The following AVEN variants were observed in gnomAD, a reference collection of about 807,000 sequenced individuals.
The protein encoded by AVEN is apoptosis and caspase activation inhibitor.
AVEN carries 41 observed loss-of-function variants against 38.1 expected under a neutral mutation model. That is an observed-to-expected ratio of 1.08 (90% CI 0.84 to 1.40). The LOEUF (loss-of-function observed/expected upper bound fraction) is 1.40, where lower values mean the gene tolerates loss of function less well. Ranked by LOEUF, AVEN falls within the 40% of genes most tolerant of loss-of-function variation. The pLI is 0.00. For missense variants in AVEN, 605 were observed against 438.8 expected (o/e 1.38, Z -3.38); for synonymous variants, 206 against 171.8 (o/e 1.20, Z -1.56).
intron 2 of AVEN, among the ~76,000 whole-genome samples, chr15:33,948,860 CAG>C (rs1322728011): frequency 2.0e-5 from 3 of 151,886 alleles, no homozygotes; most frequent in Non-Finnish European, 4.4e-5. Flanking sequence ...TTTATCGAGA[CAG>C]GGGATTCATC....
chr15:34,063,662 C>T lies in AVEN; in HGVS notation n.1127-230G>A, dbSNP rs151106804. 89 of 1,613,996 alleles carry T rather than the reference C, an allele frequency of 5.5e-5. No homozygotes were observed. The highest frequency in any genetic ancestry group is 8.9e-5 in the East Asian group (4 of 44,880). On this transcript the variant is annotated intron_variant and non_coding_transcript_variant, in intron 4 of 11. Transcript: ENST00000675287. This position sits in a 1 kb window ranked among gnomAD's most constrained non-coding sequence, Gnocchi z 4.1. The stretch of plus-strand genomic sequence containing the variant: ...CTTCCTCAGAGGATGAGGACAAGCC[C>T]GCCACTGACCCTGTCCTCCAAGTGG...
intron 2 of AVEN, among the ~76,000 whole-genome samples, chr15:33,876,568 T>A (rs1178216780): frequency 6.6e-6 from 1 of 150,992 alleles, no homozygotes; most frequent in Non-Finnish European, 1.5e-5. Flanking sequence ...TGAGACCCTA[T>A]CTCAAAAAAA....
Position 33,931,349 on chromosome 15 carries a change from C to CTTTTT in AVEN, c.446-55359_446-55355dup, listed in dbSNP as rs71119903. Among the ~76,000 whole-genome samples the CTTTTT allele has an allele frequency of 1.6e-4, 14 of 89,274 alleles. 2 individuals carry two copies. The highest frequency in any genetic ancestry group is 3.6e-4 in the African/African-American group (7 of 19,400). The allele number at this position is 89,274 out of a possible 152,430, so 58.6% of individuals were successfully genotyped here. ...AAAAAGAAACTATGCTGAATATTTT[C>CTTTTT]TTTTTTTTTTTTTTTTTTTTTTTTT... On this transcript the variant is annotated intron_variant, in intron 2 of 5. Transcript: ENST00000306730.
intron 2 of AVEN, among the ~76,000 whole-genome samples, chr15:33,896,539 G>C (rs1892240410): frequency 6.6e-6 from 1 of 152,220 alleles, no homozygotes. Context: ...GGGGCTGGGA[G>C]AGAGTCCTCA....
At chr15:33,859,436 A>AATACTGGCACCTCTGAAG in intron 11 of AVEN, 2 of 797,756 alleles carry the variant, frequency 2.5e-6, no homozygotes, top group East Asian at 5.2e-5. Flanking sequence ...TAGCAGCATG[A>AATACTGGCACCTCTGAAG]ATACTGGCAC....
intron 4 of AVEN, among the ~76,000 whole-genome samples, chr15:33,870,581 T>G (rs1890901723): frequency 6.6e-6 from 1 of 152,208 alleles, no homozygotes; most frequent in Non-Finnish European, 1.5e-5. Context: ...TCCCAATAGA[T>G]TAAGTTCCAG....
chr15:33,883,289 A>T (rs1891567218), intron 2 of AVEN, among the ~76,000 whole-genome samples: 1 of 152,222 alleles, frequency 6.6e-6, no homozygotes, highest in Admixed American at 6.5e-5. Flanking sequence ...CGGTGGTCAG[A>T]AATCAGTATG....
At chr15:33,917,351 G>GGTGTGTGTGTGTGTGT (rs148147589) in intron 2 of AVEN, among the ~76,000 whole-genome samples, 47 of 140,356 alleles carry the variant, frequency 3.3e-4, no homozygotes, top group African/African-American at 1.2e-3. Flanking sequence ...AAGAAAATGT[G>GGTGTGTGTGTGTGTGT]GTGTGTGTGT....
At position 33,904,694 on chromosome 15, in the gene AVEN, A is replaced by AAATATAT. The variant is rs1464894437; in HGVS notation, c.446-28700_446-28699insATATATT. Among the ~76,000 whole-genome samples, 166 of 112,694 alleles carry AAATATAT rather than the reference A, an allele frequency of 1.5e-3. 1 individual carries two copies. The highest frequency in any genetic ancestry group is 4.6e-3 in the African/African-American group (158 of 34,298). 73.9% of individuals were successfully genotyped at this position (112,694 alleles called of 152,430 possible). ...GAGACTGTTTCTTTAAAAAAAAAAA[A>AAATATAT]ATATATATATATATATATATATACA... is the stretch of plus-strand genomic sequence containing the variant. On this transcript the variant is annotated intron_variant, in intron 2 of 5. Transcript: ENST00000306730.
chr15:33,938,834 CT>C (rs913060981), intron 2 of AVEN, among the ~76,000 whole-genome samples: 7 of 151,364 alleles, frequency 4.6e-5, no homozygotes, highest in Admixed American at 4.0e-4. Flanking sequence ...TTCTTTCTTC[CT>C]TTTTTTTTGT....
intron 2 of AVEN, among the ~76,000 whole-genome samples, chr15:33,910,756 G>A (rs186250570): frequency 7.4e-4 from 113 of 152,300 alleles, no homozygotes; most frequent in African/African-American, 2.6e-3. Context: ...GGTAGGGACT[G>A]ACCTGAAAAG....
intron 1 of AVEN, among the ~76,000 whole-genome samples, chr15:34,034,445 T>TA (rs769830072): frequency 0.014 from 1,224 of 86,140 alleles, 23 homozygotes; most frequent in Admixed American, 0.076. Context: ...AGTTTCTTTT[T>TA]TAAAAAAAAA....
chr15:34,057,051 C>T (rs879532465), intron 5 of AVEN, among the ~76,000 whole-genome samples: 1 of 152,006 alleles, frequency 6.6e-6, no homozygotes, highest in Non-Finnish European at 1.5e-5. Flanking sequence ...AGTTTGTGGT[C>T]GTGAAAATAT....
chr15:33,860,334 C>T (rs1312401421), intron 11 of AVEN, among the ~76,000 whole-genome samples: 1 of 152,038 alleles, frequency 6.6e-6, no homozygotes, highest in Non-Finnish European at 1.5e-5. Flanking sequence ...GGAGACCAAC[C>T]AGGGAGAAGT....
chr15:33,905,915 CAT>C (rs1892683568), intron 2 of AVEN, among the ~76,000 whole-genome samples: 1 of 152,044 alleles, frequency 6.6e-6, no homozygotes, highest in South Asian at 2.1e-4. Context: ...TTATGTTTAG[CAT>C]ACCTGTTACC....
intron 2 of AVEN, among the ~76,000 whole-genome samples, chr15:33,937,689 G>T (rs1275718027): frequency 1.3e-5 from 2 of 151,958 alleles, no homozygotes; most frequent in East Asian, 1.9e-4. Context: ...TTCACAATGG[G>T]ATTAATGGCC....
At chr15:33,967,939 GA>G (rs1283864169) in intron 2 of AVEN, among the ~76,000 whole-genome samples, 2 of 148,706 alleles carry the variant, frequency 1.3e-5, no homozygotes, top group African/African-American at 4.9e-5. Context: ...ATACATTTAG[GA>G]AAAAAAAAAA....
chr15:33,944,591 C>T (rs1008550348), intron 2 of AVEN, among the ~76,000 whole-genome samples: 6 of 152,192 alleles, frequency 3.9e-5, no homozygotes, highest in African/African-American at 7.2e-5. Flanking sequence ...GGGTGGATCA[C>T]GAGGTCAGGA....
intron 2 of AVEN, among the ~76,000 whole-genome samples, chr15:33,882,561 T>TAAA (rs35267268): frequency 0.055 from 8,202 of 149,116 alleles, 262 homozygotes; most frequent in Middle Eastern, 0.079. Context: ...GCAAAAATGT[T>TAAA]AAAAAAAAAA....
Sources: allele counts gnomAD v4.1 joint callset (sites outside exome capture counted in the v4.1 genomes callset), GRCh38; gene constraint gnomAD v4.1.1; non-coding constraint Gnocchi (gnomAD v3.1); transcripts MANE v1.5; gene names NCBI Gene and HGNC (gene_info 2026-07-23, HGNC 2026-07-21).